RCAN2: variants seen among roughly 807,000 people sequenced by gnomAD.
RCAN2 encodes regulator of calcineurin 2.
A neutral mutation model predicts 23.6 loss-of-function variants in RCAN2; 9 were observed. That is an observed-to-expected ratio of 0.38 (90% CI 0.23 to 0.67). The LOEUF (loss-of-function observed/expected upper bound fraction) is 0.67, where lower values mean the gene tolerates loss of function less well. Ranked by LOEUF, RCAN2 falls within the 30% of genes least tolerant of loss-of-function variation. The pLI, the probability that RCAN2 is intolerant of heterozygous loss-of-function variation, is 0.51. For missense variants in RCAN2, 273 were observed against 302.3 expected, an observed-to-expected ratio of 0.90 and a Z score of 0.72; for synonymous variants, 109 against 115.7, an observed-to-expected ratio of 0.94 and a Z score of 0.37.
At chr6:46,323,169 G>T (rs1029678038) in intron 2 of RCAN2, among the ~76,000 whole-genome samples, 1 of 152,052 alleles carries the variant, frequency 6.6e-6, no homozygotes. Flanking sequence ...TGATAAACTG[G>T]TAAAAGTTAC....
At chr6:46,355,354 G>A (rs1193124697) in intron 2 of RCAN2, among the ~76,000 whole-genome samples, 1 of 152,150 alleles carries the variant, frequency 6.6e-6, no homozygotes, top group Non-Finnish European at 1.5e-5. Flanking sequence ...CTTAATAGGG[G>A]CTCCAGTGTT....
At chr6:46,243,820 AAAAAAAAAAAAAC>A (rs1286958691) in intron 4 of RCAN2, among the ~76,000 whole-genome samples, 1 of 150,190 alleles carries the variant, frequency 6.7e-6, no homozygotes, top group African/African-American at 2.5e-5. Flanking sequence ...AAAAAAAAAA[AAAAAAAAAAAAAC>A]CAAGAAATAA....
chr6:46,253,065 G>A (rs922568751), intron 2 of RCAN2, among the ~76,000 whole-genome samples: 5 of 152,060 alleles, frequency 3.3e-5, no homozygotes, highest in Non-Finnish European at 4.4e-5. Flanking sequence ...TAATCATTTA[G>A]ACAATATTGG....
At position 46,468,775 on chromosome 6, in the gene RCAN2, C is replaced by A. The variant is rs1251931804; in HGVS notation, c.-2-11797G>T. 6.1e-6 allele frequency: 6 copies of A among 981,008 alleles called. No individual in the cohort carries two copies. The African/African-American group carries it at 1.0e-4, about 17-fold the overall frequency. 60.8% of individuals were successfully genotyped at this position (981,008 alleles called of 1,614,324 possible). A position where few individuals can be genotyped will look rare whatever the true frequency, so the allele number is the denominator to read the frequency against. On this transcript the variant is annotated intron_variant, in intron 1 of 4. Transcript: ENST00000371374. ...TCTCCCCACTCTTTCTCTCTCTCCG[C>A]TAGATGTTCCAGAGCCTTGCTCACC...
chr6:46,403,164 A>G (rs1446833512), intron 2 of RCAN2, among the ~76,000 whole-genome samples: 1 of 151,986 alleles, frequency 6.6e-6, no homozygotes, highest in Non-Finnish European at 1.5e-5. Context: ...ACGGGGTTTC[A>G]CCATGTTAGC....
chr6:46,472,875 CT>C (rs1561919974), intron 1 of RCAN2, among the ~76,000 whole-genome samples: 1 of 152,172 alleles, frequency 6.6e-6, no homozygotes, highest in East Asian at 1.9e-4. Context: ...AACACTGGAA[CT>C]TTTTCTGAAG....
intron 2 of RCAN2, among the ~76,000 whole-genome samples, chr6:46,427,343 C>A (rs1044722787): frequency 6.6e-6 from 1 of 152,204 alleles, no homozygotes; most frequent in Non-Finnish European, 1.5e-5. Context: ...TTTAGGCCCA[C>A]ATCCCTAGTT....
intron 4 of RCAN2, among the ~76,000 whole-genome samples, chr6:46,225,008 C>G (rs1424272726): frequency 2.6e-5 from 4 of 151,676 alleles, no homozygotes; most frequent in Admixed American, 6.6e-5. Context: ...GTTCAATTCC[C>G]ACCTATGAGT....
At chr6:46,232,391 T>C (rs1562094400) in intron 4 of RCAN2, among the ~76,000 whole-genome samples, 1 of 152,186 alleles carries the variant, frequency 6.6e-6, no homozygotes, top group Non-Finnish European at 1.5e-5. Context: ...ACCAGCTTTA[T>C]CTGAGGGTTG....
At chr6:46,276,559 C>G (rs901889036) in intron 2 of RCAN2, among the ~76,000 whole-genome samples, 2 of 152,228 alleles carry the variant, frequency 1.3e-5, no homozygotes, top group African/African-American at 4.8e-5. Flanking sequence ...AATCTAGTCA[C>G]CATCAAACTG....
chr6:46,338,792 C>A (rs754804227), intron 2 of RCAN2, among the ~76,000 whole-genome samples: 2 of 152,152 alleles, frequency 1.3e-5, no homozygotes, highest in Non-Finnish European at 2.9e-5. Flanking sequence ...GTGGGTGGAT[C>A]ACTTGAGGCC....
At chr6:46,270,208 C>T (rs2150332478) in intron 2 of RCAN2, among the ~76,000 whole-genome samples, 1 of 152,168 alleles carries the variant, frequency 6.6e-6, no homozygotes. Context: ...CAGGACTAAG[C>T]CCACCAGAGT....
chr6:46,363,523 A>T (rs1027614295), intron 2 of RCAN2, among the ~76,000 whole-genome samples: 4 of 152,192 alleles, frequency 2.6e-5, no homozygotes, highest in African/African-American at 4.8e-5. Flanking sequence ...GAAAGAAAAA[A>T]TTCTAAAGAC....
chr6:46,404,061 A>C (rs1766331849), intron 2 of RCAN2, among the ~76,000 whole-genome samples: 1 of 152,198 alleles, frequency 6.6e-6, no homozygotes, highest in African/African-American at 2.4e-5. Context: ...GTCTCTACTA[A>C]AAATACAAAA....
intron 2 of RCAN2, among the ~76,000 whole-genome samples, chr6:46,439,611 C>A (rs1767471697): frequency 6.6e-6 from 1 of 152,154 alleles, no homozygotes; most frequent in Non-Finnish European, 1.5e-5. Context: ...AGGGACCACA[C>A]TTACTTAGAT....
intron 2 of RCAN2, among the ~76,000 whole-genome samples, chr6:46,439,198 A>G (rs1767457968): frequency 6.6e-6 from 1 of 152,204 alleles, no homozygotes; most frequent in Non-Finnish European, 1.5e-5. Flanking sequence ...CCTGAGACTC[A>G]AGGCTGGGTG....
chr6:46,270,000 G>C (rs1767472283), intron 2 of RCAN2, among the ~76,000 whole-genome samples: 1 of 152,148 alleles, frequency 6.6e-6, no homozygotes, highest in Non-Finnish European at 1.5e-5. Context: ...CTCATGCAGG[G>C]ACTCAGCTGA....
At chr6:46,230,633 G>T (rs1765851077) in intron 4 of RCAN2, among the ~76,000 whole-genome samples, 1 of 152,186 alleles carries the variant, frequency 6.6e-6, no homozygotes, top group African/African-American at 2.4e-5. Context: ...GAAAAGCACA[G>T]TATTAGGGTG....
rs956704715 is a variant in RCAN2, at chr6:46,258,840, CAACA to C, written c.226-9948_226-9945del. The stretch of plus-strand genomic sequence containing the variant: ...CTTAGAACTTGAAAAAACTCCAAGC[CAACA>C]AACAAACAAACAAAATAACCCAAAC... On this transcript the variant is annotated intron_variant, in intron 2 of 4. Transcript: ENST00000371374. 5.9e-5 allele frequency among the ~76,000 whole-genome samples: 9 copies of C among 152,044 alleles called. 1 individual carries two copies. The South Asian group carries it at 1.9e-3, about 32-fold the overall frequency.
Sources: gnomAD v4.1 joint callset for allele counts (sites outside exome capture counted in the v4.1 genomes callset) on GRCh38, gnomAD v4.1.1 for gene constraint, MANE v1.5 for transcripts, NCBI Gene and HGNC (gene_info 2026-07-23, HGNC 2026-07-21) for gene names.